ZNF254: variants seen among roughly 807,000 people sequenced by gnomAD.
ZNF254 encodes CTD-2017D11.1.
Under a neutral mutation model 12.4 loss-of-function variants are expected in ZNF254, and 10 were observed. The ratio of observed to expected loss-of-function variants is 0.80; its 90% CI spans 0.50 to 1.36. The LOEUF is 1.36. ZNF254 is among the 40% of genes most tolerant of loss of function. The probability of loss-of-function intolerance (pLI) is 0.00; values close to 1 mark genes in which losing one functional copy is unlikely to be tolerated. For missense variants in ZNF254, 996 were observed against 763.9 expected (o/e 1.30, Z -3.58); for synonymous variants, 305 against 253.4 (o/e 1.20, Z -1.93).
Position 24,070,446 on chromosome 19 carries a change from G to T in ZNF254, c.-94+24167G>T, listed in dbSNP as rs563741540. Among the ~76,000 whole-genome samples the T allele has an allele frequency of 3.3e-5, 5 of 152,318 alleles. No individual in the cohort carries two copies. The South Asian group carries it at 1.0e-3, about 32-fold the overall frequency. On this transcript the variant is annotated intron_variant, in intron 2 of 4. Transcript: ENST00000613065. ...GGGAAGTTGCAAAGTTGACTCCCAT[G>T]TGTGGATCTGCTCCACAGCTGGGCT...
rs146272904 is a variant in ZNF254 at position 24,118,822 on chromosome 19, A to C, written c.254-7432A>C. On this transcript the variant is annotated intron_variant, in intron 3 of 3. Transcript: ENST00000357002. ...CCTATATATTTTTAAATGATGAAGAAGTTATCTGGCCTGGAATGGCACCTC... is the reference window on the plus strand; with the variant it reads ...CCTATATATTTTTAAATGATGAAGACGTTATCTGGCCTGGAATGGCACCTC... Among the ~76,000 whole-genome samples, 12 of 152,160 alleles carry C rather than the reference A, an allele frequency of 7.9e-5. 1 individual carries two copies. In the East Asian group the frequency reaches 2.3e-3, roughly 29 times the overall value.
At chr19:24,104,145 A>G (rs1458427918) in intron 1 of ZNF254, 1 of 152,222 alleles carries the variant, frequency 6.6e-6, no homozygotes, top group Admixed American at 6.5e-5. Context: ...TATTTCTATT[A>G]CTGTAGCAGA....
At chr19:24,075,332 C>T (rs1296157777) in intron 2 of ZNF254, among the ~76,000 whole-genome samples, 1 of 152,172 alleles carries the variant, frequency 6.6e-6, no homozygotes, top group African/African-American at 2.4e-5. Context: ...ATCAGGGGAA[C>T]CAGCACCCAA....
intron 3 of ZNF254, among the ~76,000 whole-genome samples, chr19:24,123,526 GC>G (rs1367385048): frequency 6.6e-6 from 1 of 151,638 alleles, no homozygotes; most frequent in Non-Finnish European, 1.5e-5. Flanking sequence ...TAATTGTATT[GC>G]TTTGTATGTG....
intron 2 of ZNF254, among the ~76,000 whole-genome samples, chr19:24,050,526 G>T (rs1478041210): frequency 1.3e-5 from 2 of 152,174 alleles, no homozygotes. Context: ...CCAGCACCAA[G>T]GTGATATGAC....
chr19:24,078,740 A>T (rs1232597903), intron 2 of ZNF254: 1 of 152,178 alleles, frequency 6.6e-6, no homozygotes, highest in Non-Finnish European at 1.5e-5. Flanking sequence ...AAGCAGTGGG[A>T]AGCTTTTTGG....
intron 3 of ZNF254, among the ~76,000 whole-genome samples, chr19:24,108,274 AC>A (rs756555883): frequency 1.3e-5 from 2 of 151,972 alleles, no homozygotes; most frequent in Non-Finnish European, 2.9e-5. Flanking sequence ...GAAAGGCAGG[AC>A]CCCCCCAGAC....
intron 1 of ZNF254, among the ~76,000 whole-genome samples, chr19:24,093,115 T>A (rs1972489843): frequency 6.6e-6 from 1 of 152,190 alleles, no homozygotes; most frequent in Non-Finnish European, 1.5e-5. Context: ...AGCATCTTTT[T>A]CAAGTTTTTT....
Position 24,126,959 on chromosome 19 carries a change from A to T in ZNF254, c.959A>T (p.Lys320Ile), listed in dbSNP as rs1197474083. Residue 320 changes from lysine to isoleucine, a missense_variant, in exon 4 of 4, where the codon AAA becomes ATA. Lys to Ile is a moderately radical substitution (Grantham distance 102). Transcript: ENST00000357002. ...TEHKKIHTRK[K>I]PYKCEECGKA... Reference sequence around the variant, plus strand: ...CATAAGAAAATTCATACTAGAAAGAAACCCTACAAGTGTGAAGAATGTGGC... The same window carrying T: ...CATAAGAAAATTCATACTAGAAAGATACCCTACAAGTGTGAAGAATGTGGC... 1.9e-6 allele frequency: 3 copies of T among 1,613,602 alleles called. No individual in the cohort carries two copies. The Admixed American group carries it at 5.0e-5, about 27-fold the overall frequency.
chr19:24,125,760 C>G (rs576072351), intron 3 of ZNF254, among the ~76,000 whole-genome samples: 88 of 152,308 alleles, frequency 5.8e-4, no homozygotes, highest in African/African-American at 1.9e-3. Flanking sequence ...TCTTTGGTCT[C>G]AGCAGACTCA....
At chr19:24,067,483 T>C (rs1016419619) in intron 2 of ZNF254, among the ~76,000 whole-genome samples, 2 of 152,122 alleles carry the variant, frequency 1.3e-5, no homozygotes, top group Admixed American at 1.3e-4. Context: ...TCTCCTCTCA[T>C]GCCAAGGCCT....
chr19:24,112,711 A>C (rs1322868871), intron 3 of ZNF254, among the ~76,000 whole-genome samples: 5 of 152,174 alleles, frequency 3.3e-5, no homozygotes, highest in Admixed American at 1.3e-4. Flanking sequence ...TCTTTGAAGC[A>C]ATTATGAATG....
chr19:24,081,530 C>CTGTTT (rs1971845058), intron 2 of ZNF254, among the ~76,000 whole-genome samples: 1 of 152,142 alleles, frequency 6.6e-6, no homozygotes, highest in South Asian at 2.1e-4. Flanking sequence ...AATAAATTCC[C>CTGTTT]TGTTTAATAT....
chr19:24,103,958 C>G (rs1973181908), intron 1 of ZNF254: 1 of 152,298 alleles, frequency 6.6e-6, no homozygotes, highest in Non-Finnish European at 1.5e-5. Context: ...CTCCTGACTT[C>G]AGGTGATCCA....
Position 24,112,430 on chromosome 19 carries a change from C to T in ZNF254, c.253+5787C>T, listed in dbSNP as rs540592121. Among the ~76,000 whole-genome samples the T allele has an allele frequency of 2.6e-4, 38 of 147,998 alleles. 1 individual carries two copies. The East Asian group carries it at 3.1e-3, about 12-fold the overall frequency. The stretch of plus-strand genomic sequence containing the variant: ...TTGGCTTAGGAGTGACTTGGTGATG[C>T]GGGCTCTTTTTTGGTTCCATATGAA... On this transcript the variant is annotated intron_variant, in intron 3 of 3. Transcript: ENST00000357002.
rs1568463230 is a variant in ZNF254 at position 24,111,537 on chromosome 19, C to T, written c.253+4894C>T. Among the ~76,000 whole-genome samples, 12 of 152,322 alleles carry T rather than the reference C, an allele frequency of 7.9e-5. 1 individual carries two copies. In the South Asian group the frequency reaches 2.5e-3, roughly 32 times the overall value. On this transcript the variant is annotated intron_variant, in intron 3 of 3. Coordinates refer to ENST00000357002, the MANE Select transcript of ZNF254 (RefSeq NM_203282.4). ...CCTGAGGAATCGCCACACTGACTTCCACAATGGTTGAACTAGTTGACAGTC... is the reference window on the plus strand; with the variant it reads ...CCTGAGGAATCGCCACACTGACTTCTACAATGGTTGAACTAGTTGACAGTC...
Position 24,053,695 on chromosome 19 carries a change from CAT to C in ZNF254, c.-94+7417_-94+7418del, listed in dbSNP as rs1460289365. Among the ~76,000 whole-genome samples the C allele has an allele frequency of 4.6e-5, 7 of 152,324 alleles. No individual in the cohort carries two copies. The East Asian group carries it at 1.4e-3, about 29-fold the overall frequency. On this transcript the variant is annotated intron_variant, in intron 2 of 4. Coordinates refer to the ZNF254 transcript ENST00000613065. ...TCCTCTTGTACATTGTGTATTGTGACATGTGGCTTGTTCTAACACCTCGATGA... is the reference window on the plus strand; with the variant it reads ...TCCTCTTGTACATTGTGTATTGTGACGTGGCTTGTTCTAACACCTCGATGA...
chr19:24,105,678 A>G, intron 1 of ZNF254: 1 of 327,608 alleles, frequency 3.1e-6, no homozygotes, highest in Non-Finnish European at 5.5e-6. Flanking sequence ...AATGTATGTT[A>G]GTGTTTATGC....
chr19:24,107,009 A>T (rs112837433), intron 3 of ZNF254: 2 of 420,546 alleles, frequency 4.8e-6, no homozygotes, highest in African/African-American at 2.4e-5. Context: ...TTTTTGCATC[A>T]TGTCTGAAAT....
Sources: gnomAD v4.1 joint callset for allele counts (sites outside exome capture counted in the v4.1 genomes callset) on GRCh38, gnomAD v4.1.1 for gene constraint, MANE v1.5 for transcripts, NCBI Gene and HGNC (gene_info 2026-07-23, HGNC 2026-07-21) for gene names.